The following ATF6 variants were observed in gnomAD, a reference collection of about 807,000 sequenced individuals.
ATF6 encodes cyclic AMP-dependent transcription factor ATF-6 alpha.
ATF6 carries 53 observed loss-of-function variants against 83.6 expected under a neutral mutation model. The observed-to-expected ratio is 0.63, with a 90% CI of 0.51 to 0.80. The LOEUF is 0.80. ATF6 is among the 30% of genes least tolerant of loss of function. The pLI, the probability that ATF6 is intolerant of heterozygous loss-of-function variation, is 0.00. For synonymous variants in ATF6, 288 were observed against 285.8 expected, an observed-to-expected ratio of 1.01 and a Z score of -0.08; for missense variants, 744 against 797.9, an observed-to-expected ratio of 0.93 and a Z score of 0.81.
intron 15 of ATF6, among the ~76,000 whole-genome samples, chr1:161,915,105 C>T (rs1029216862): frequency 6.6e-6 from 1 of 152,136 alleles, no homozygotes; most frequent in Non-Finnish European, 1.5e-5. Context: ...CTGATGAACT[C>T]ACCAAATACT....
chr1:161,904,323 C>T (rs1424204755), intron 14 of ATF6, among the ~76,000 whole-genome samples: 1 of 152,176 alleles, frequency 6.6e-6, no homozygotes, highest in East Asian at 1.9e-4. Context: ...TATGGTGACT[C>T]ACGCCTGTAA....
chr1:161,782,140 T>C, intron 3 of ATF6, 141 bp downstream of exon 3: 2 of 587,948 alleles, frequency 3.4e-6, no homozygotes, highest in Middle Eastern at 4.2e-4. Flanking sequence ...ACTTCTGGTA[T>C]GGCAATTATG....
chr1:161,865,809 ATTTTT>A (rs1286030637), intron 14 of ATF6, among the ~76,000 whole-genome samples: 1 of 151,768 alleles, frequency 6.6e-6, no homozygotes, highest in African/African-American at 2.4e-5. Context: ...CATCCTTTTT[ATTTTT>A]TTTGTTTTGT....
At position 161,959,669 on chromosome 1, in the gene ATF6, C is replaced by CAAAAA; in HGVS notation, c.*1036_*1040dup. ...TGGGCGACAGAGCGAGACTCCGTCT[C>CAAAAA]AAAAAAAAAAAAAAAAAAAAAAAAA... On this transcript the variant is annotated 3_prime_UTR_variant, in exon 16 of 16. Transcript: ENST00000367942. 1.1e-5 allele frequency: 1 copy of CAAAAA among 87,520 alleles called. No individual in the cohort carries two copies. The highest frequency in any genetic ancestry group is 4.5e-5 in the African/African-American group (1 of 22,052). The allele number at this position is 87,520 out of a possible 1,614,324, so 5.4% of individuals were successfully genotyped here. A position where few individuals can be genotyped will look rare whatever the true frequency, so the allele number is the denominator to read the frequency against.
At chr1:161,766,685 T>C (rs1412995134) in intron 1 of ATF6, among the ~76,000 whole-genome samples, 1 of 152,138 alleles carries the variant, frequency 6.6e-6, no homozygotes, top group Non-Finnish European at 1.5e-5. Context: ...CTATTCCCAC[T>C]GGGGAAGTAC....
chr1:161,907,015 A>G (rs1166118264), intron 14 of ATF6, among the ~76,000 whole-genome samples: 1 of 152,068 alleles, frequency 6.6e-6, no homozygotes, highest in Non-Finnish European at 1.5e-5. Context: ...TATTTTCAGG[A>G]TATGTCATGA....
chr1:161,958,360 C>T, intron 15 of ATF6, 86 bp from the exon 16 acceptor site: 1 of 1,362,504 alleles, frequency 7.3e-7, no homozygotes, highest in Non-Finnish European at 1.0e-6. Flanking sequence ...CCTTAAAGCA[C>T]ATTTCTGTAT....
At chr1:161,953,536 G>C (rs1397897571) in intron 15 of ATF6, among the ~76,000 whole-genome samples, 2 of 152,162 alleles carry the variant, frequency 1.3e-5, no homozygotes, top group Non-Finnish European at 2.9e-5. Flanking sequence ...ATTCTGCTAT[G>C]TCACAGCTGA....
rs187903883 is a variant in ATF6, at chr1:161,768,551, G to A, written c.82+2109G>A. Among the ~76,000 whole-genome samples, 4 of 152,136 alleles carry A rather than the reference G, an allele frequency of 2.6e-5. No homozygotes were observed. In the East Asian group the frequency reaches 7.7e-4, roughly 29 times the overall value. ...GTTCAAGTACTTCACTGATTTACTT[G>A]ATTTTGTTGTTGTTGTTGTTGTTTC... On this transcript the variant is annotated intron_variant, in intron 1 of 15. Transcript: ENST00000367942.
At chr1:161,821,458 A>T (rs1235020497) in intron 9 of ATF6, among the ~76,000 whole-genome samples, 1 of 152,164 alleles carries the variant, frequency 6.6e-6, no homozygotes, top group Non-Finnish European at 1.5e-5. Context: ...TGGGTACTCG[A>T]TACATTTTTT....
chr1:161,815,990 CTT>C (rs1248961437), intron 7 of ATF6, among the ~76,000 whole-genome samples: 3 of 152,192 alleles, frequency 2.0e-5, no homozygotes, highest in African/African-American at 7.2e-5. Context: ...GTACTTGAAA[CTT>C]TGACTCTTAC....
chr1:161,855,884 A>AGTG (rs2101831131), intron 12 of ATF6, among the ~76,000 whole-genome samples: 1 of 152,318 alleles, frequency 6.6e-6, no homozygotes, highest in South Asian at 2.1e-4. Context: ...CTTTCATTGG[A>AGTG]GTGGTGATGG....
intron 15 of ATF6, among the ~76,000 whole-genome samples, chr1:161,952,744 T>C (rs145080931): frequency 3.3e-5 from 5 of 152,332 alleles, no homozygotes; most frequent in African/African-American, 1.2e-4. Context: ...CACTGATCTG[T>C]ACTGTCACTG....
intron 14 of ATF6, among the ~76,000 whole-genome samples, chr1:161,894,590 G>A (rs770147185): frequency 4.5e-4 from 54 of 120,490 alleles, no homozygotes; most frequent in Non-Finnish European, 7.4e-4. Flanking sequence ...AGGCTGGAGT[G>A]TAGTGGCGTG....
chr1:161,781,389 A>T (rs781603654), intron 2 of ATF6, among the ~76,000 whole-genome samples: 17 of 152,294 alleles, frequency 1.1e-4, no homozygotes, highest in Non-Finnish European at 2.4e-4. Context: ...TTACTCAGTG[A>T]TTCATAAAAG....
intron 15 of ATF6, among the ~76,000 whole-genome samples, chr1:161,924,059 A>G (rs1343463462): frequency 6.6e-6 from 1 of 152,222 alleles, no homozygotes; most frequent in African/African-American, 2.4e-5. Context: ...GGGGAAATCA[A>G]GAACCTTGCA....
intron 9 of ATF6, among the ~76,000 whole-genome samples, chr1:161,824,850 A>G (rs2101790672): frequency 6.6e-6 from 1 of 152,376 alleles, no homozygotes; most frequent in East Asian, 1.9e-4. Context: ...GCAAATATGA[A>G]TAAAAGTACA....
intron 15 of ATF6, among the ~76,000 whole-genome samples, chr1:161,920,294 C>T (rs796468457): frequency 0.02 from 1,074 of 54,900 alleles, 45 homozygotes; most frequent in African/African-American, 0.064. Flanking sequence ...CTCTCTCTCT[C>T]TTTTTTTTTT....
chr1:161,856,611 C>T (rs989330982), intron 12 of ATF6, among the ~76,000 whole-genome samples: 1 of 152,164 alleles, frequency 6.6e-6, no homozygotes, highest in African/African-American at 2.4e-5. Flanking sequence ...TCCTTTGCTA[C>T]ACAGAGGAAG....
Sources: allele counts gnomAD v4.1 joint callset (sites outside exome capture counted in the v4.1 genomes callset), GRCh38; gene constraint gnomAD v4.1.1; transcripts MANE v1.5; gene names NCBI Gene and HGNC (gene_info 2026-07-23, HGNC 2026-07-21).